The following ZCCHC4 variants were observed in gnomAD, a reference collection of about 807,000 sequenced individuals.
ZCCHC4 encodes the protein rRNA N(6)-adenosine-methyltransferase ZCCHC4.
In ZCCHC4, 54 loss-of-function variants were observed where a neutral mutation model predicts 67.7. The observed-to-expected ratio is 0.80, with a 90% CI of 0.64 to 1.00. ZCCHC4 has a LOEUF of 1.00. Among genes scored for constraint, ZCCHC4 ranks in the 50% least tolerant of loss-of-function variants. ZCCHC4 has a pLI of 0.00. For missense variants in ZCCHC4, 609 were observed against 617.0 expected (o/e 0.99, Z 0.14); for synonymous variants, 198 against 213.5 (o/e 0.93, Z 0.63).
chr4:25,351,755 A>G, intron 8 of ZCCHC4, 66 bp downstream of exon 8: 1 of 1,314,804 alleles, frequency 7.6e-7, no homozygotes, highest in East Asian at 2.3e-5. Context: ...TAGATATAAG[A>G]CTATTCATTG....
rs1480585057 is a variant in ZCCHC4, at chr4:25,369,081, A to G, written c.1459A>G (p.Thr487Ala). ...RKSNKMKMET[T>A]KGQSMNHTSA... ...AAGTAATAAGATGAAAATGGAGACC[A>G]CGAAAGGACAATCCATGAATCATAC... The change falls in exon 13 of 13, where the codon ACG becomes GCG. Residue 487 changes from threonine (T) to alanine (A), a missense_variant. Transcript: ENST00000302874. 2 of 1,613,866 alleles carry G rather than the reference A, an allele frequency of 1.2e-6. No homozygotes were observed.
chr4:25,353,442 A>G (rs1720393227), intron 8 of ZCCHC4, among the ~76,000 whole-genome samples: 1 of 152,192 alleles, frequency 6.6e-6, no homozygotes, highest in South Asian at 2.1e-4. Context: ...TGGGGCATCA[A>G]GTTTTCTGTT....
chr4:25,342,591 C>T (rs1719807802), intron 5 of ZCCHC4, among the ~76,000 whole-genome samples: 1 of 152,120 alleles, frequency 6.6e-6, no homozygotes, highest in South Asian at 2.1e-4. Flanking sequence ...CTCTTGATTA[C>T]ATTTCCTGTG....
rs1719383131 is a variant in ZCCHC4 at position 25,335,064 on chromosome 4, T to C, written c.686+1076T>C. Among the ~76,000 whole-genome samples, 3 of 152,254 alleles carry C rather than the reference T, an allele frequency of 2.0e-5. No individual in the cohort carries two copies. In the South Asian group the frequency reaches 6.2e-4, roughly 32 times the overall value. On this transcript the variant is annotated intron_variant, in intron 5 of 12. Coordinates refer to ENST00000302874, the MANE Select transcript of ZCCHC4 (RefSeq NM_024936.3). The stretch of plus-strand genomic sequence containing the variant: ...TGGAACTCCTGGCCTCAAGCAGTCC[T>C]CCTGCCTTGGCCTCCCAAATTGTTG...
chr4:25,329,533 C>CTTTTTTTTTT (rs56340221), intron 3 of ZCCHC4, among the ~76,000 whole-genome samples: 1 of 127,120 alleles, frequency 7.9e-6, no homozygotes, highest in Non-Finnish European at 1.6e-5. Flanking sequence ...TTATATTTTC[C>CTTTTTTTTTT]TTTTTTTTTT....
At chr4:25,335,889 A>G (rs1267055173) in intron 5 of ZCCHC4, among the ~76,000 whole-genome samples, 1 of 152,228 alleles carries the variant, frequency 6.6e-6, no homozygotes, top group East Asian at 1.9e-4. Flanking sequence ...CCTTATGAAT[A>G]TGTCTGGCCT....
chr4:25,358,032 T>G (rs1332155635), intron 8 of ZCCHC4, among the ~76,000 whole-genome samples: 4 of 152,238 alleles, frequency 2.6e-5, no homozygotes, highest in African/African-American at 9.6e-5. Context: ...ATAGCAGTCT[T>G]AAAACCAAAT....
At position 25,369,241 on chromosome 4, in the gene ZCCHC4, T is replaced by G. The variant is rs1489260878; in HGVS notation, c.*77T>G. 8.2e-6 allele frequency: 13 copies of G among 1,583,602 alleles called. No homozygotes were observed. The East Asian group carries it at 2.9e-4, about 35-fold the overall frequency. On this transcript the variant is annotated 3_prime_UTR_variant, in exon 13 of 13. Coordinates refer to ENST00000302874, the MANE Select transcript of ZCCHC4 (RefSeq NM_024936.3). ...ATTTTCTGAAAGTGCCACACTGGAC[T>G]TAAATTCAGCTGCTTCCAGAGGTGT...
chr4:25,319,009 T>G (rs1718430351), intron 3 of ZCCHC4, among the ~76,000 whole-genome samples: 1 of 152,196 alleles, frequency 6.6e-6, no homozygotes, highest in Admixed American at 6.5e-5. Context: ...TTTAAAATGC[T>G]AGTAATGGGG....
chr4:25,314,658 T>C (rs1718156169), intron 2 of ZCCHC4, among the ~76,000 whole-genome samples: 2 of 152,152 alleles, frequency 1.3e-5, no homozygotes, highest in Admixed American at 1.3e-4. Context: ...ACTAATCTCA[T>C]TCCTGAGGGC....
chr4:25,369,542 T>C lies in ZCCHC4; in HGVS notation c.*378T>C. 1 of 182,406 alleles carries C rather than the reference T, an allele frequency of 5.5e-6. No individual in the cohort carries two copies. Among genetic ancestry groups the C allele is most frequent in the Non-Finnish European group, 1.1e-5 (1 of 89,014 alleles). 11.3% of individuals were successfully genotyped at this position (182,406 alleles called of 1,614,324 possible). On this transcript the variant is annotated 3_prime_UTR_variant, in exon 13 of 13. Coordinates refer to ENST00000302874, the MANE Select transcript of ZCCHC4 (RefSeq NM_024936.3). ...TCTGCCTCCCGGGTTCAAGCAATTC[T>C]CCTGCCTTAGCCTCCTGAGTAGCTG...
chr4:25,368,268 T>C (rs952996371), intron 12 of ZCCHC4, among the ~76,000 whole-genome samples: 1 of 152,194 alleles, frequency 6.6e-6, no homozygotes, highest in Admixed American at 6.5e-5. Context: ...CTCTGGCCCC[T>C]TCCTTGGTTC....
chr4:25,361,576 G>A (rs929885628), intron 8 of ZCCHC4: 6 of 369,148 alleles, frequency 1.6e-5, no homozygotes, highest in Admixed American at 4.4e-5. Flanking sequence ...CATATGGCCT[G>A]CACCCATGTG....
At chr4:25,342,752 T>G (rs115985722) in intron 5 of ZCCHC4, among the ~76,000 whole-genome samples, 2 of 152,200 alleles carry the variant, frequency 1.3e-5, no homozygotes, top group Non-Finnish European at 2.9e-5. Flanking sequence ...TTGTGGCCAA[T>G]TTCATTTTAA....
chr4:25,361,818 T>C (rs1720750251), intron 8 of ZCCHC4, 41 bp from the exon 9 acceptor site: 3 of 1,551,592 alleles, frequency 1.9e-6, no homozygotes, highest in Non-Finnish European at 1.8e-6. Flanking sequence ...GTTGACTAAT[T>C]TGAGTAAATT....
chr4:25,332,316 A>G (rs929708120), intron 3 of ZCCHC4, among the ~76,000 whole-genome samples: 1 of 151,600 alleles, frequency 6.6e-6, no homozygotes, highest in Non-Finnish European at 1.5e-5. Flanking sequence ...AAAAAAAAAA[A>G]AGATATGACT....
intron 5 of ZCCHC4, among the ~76,000 whole-genome samples, chr4:25,341,979 T>C (rs1042904171): frequency 6.6e-6 from 1 of 152,256 alleles, no homozygotes; most frequent in Admixed American, 6.5e-5. Flanking sequence ...AAAGTTATTG[T>C]ATAATGTATG....
intron 8 of ZCCHC4, among the ~76,000 whole-genome samples, chr4:25,355,959 G>A (rs1348517817): frequency 2.0e-5 from 3 of 152,128 alleles, no homozygotes; most frequent in Non-Finnish European, 4.4e-5. Flanking sequence ...TTACAGAAAT[G>A]CAAGTACTCT....
At position 25,360,317 on chromosome 4, in the gene ZCCHC4, C is replaced by T. The variant is rs1310547533; in HGVS notation, c.1012-1542C>T. Among the ~76,000 whole-genome samples, 3 of 152,234 alleles carry T rather than the reference C, an allele frequency of 2.0e-5. No individual in the cohort carries two copies. The East Asian group carries it at 5.8e-4, about 29-fold the overall frequency. ...GTGGGCCATTTAGCGGGCATATGCC[C>T]TATAGGTAGTTGACCGGGGCACCCA... On this transcript the variant is annotated intron_variant, in intron 8 of 12. Coordinates refer to ENST00000302874, the MANE Select transcript of ZCCHC4 (RefSeq NM_024936.3).
Sources: gnomAD v4.1 joint callset for allele counts (sites outside exome capture counted in the v4.1 genomes callset) on GRCh38, gnomAD v4.1.1 for gene constraint, MANE v1.5 for transcripts, NCBI Gene and HGNC (gene_info 2026-07-23, HGNC 2026-07-21) for gene names.